ADAMTSL1: variants seen among roughly 807,000 people sequenced by gnomAD.
ADAMTSL1 encodes ADAMTS like 1.
In ADAMTSL1, 126 loss-of-function variants were observed where a neutral mutation model predicts 201.8. That is an observed-to-expected ratio of 0.62 (90% CI 0.54 to 0.72). The LOEUF (loss-of-function observed/expected upper bound fraction) is 0.72, where lower values mean the gene tolerates loss of function less well. Among genes scored for constraint, ADAMTSL1 ranks in the 30% least tolerant of loss-of-function variants. The pLI is 0.00. For synonymous variants in ADAMTSL1, 1,121 were observed against 903.4 expected (o/e 1.24, Z -4.32); for missense variants, 2,679 against 2,277.8 (o/e 1.18, Z -3.59).
intron 2 of ADAMTSL1, among the ~76,000 whole-genome samples, chr9:18,192,026 G>T (rs1045651853): frequency 2.6e-5 from 4 of 152,114 alleles, no homozygotes; most frequent in Non-Finnish European, 5.9e-5. Flanking sequence ...TACGGTGTTT[G>T]ACATTGATGG....
chr9:18,054,430 A>AG (rs1822080158), intron 1 of ADAMTSL1, among the ~76,000 whole-genome samples: 1 of 152,262 alleles, frequency 6.6e-6, no homozygotes, highest in South Asian at 2.1e-4. Flanking sequence ...TGAATCAGAC[A>AG]GTAACAAGTC....
At chr9:18,107,016 T>C (rs1251288965) in intron 1 of ADAMTSL1, among the ~76,000 whole-genome samples, 2 of 152,246 alleles carry the variant, frequency 1.3e-5, no homozygotes, top group African/African-American at 4.8e-5. Context: ...GGCTTTTTTA[T>C]GTAACATCTT....
At chr9:18,586,730 A>G (rs887514614) in intron 4 of ADAMTSL1, among the ~76,000 whole-genome samples, 2 of 152,174 alleles carry the variant, frequency 1.3e-5, no homozygotes, top group East Asian at 1.9e-4. Flanking sequence ...ACAGCATGGT[A>G]CTGGTTCAAG....
chr9:18,893,009 T>G (rs934544412), intron 26 of ADAMTSL1, among the ~76,000 whole-genome samples: 2 of 151,586 alleles, frequency 1.3e-5, no homozygotes, highest in African/African-American at 4.9e-5. Context: ...TTCCATCTCG[T>G]AAGCCATTTG....
chr9:18,100,801 G>T (rs1824480657), intron 1 of ADAMTSL1, among the ~76,000 whole-genome samples: 1 of 152,060 alleles, frequency 6.6e-6, no homozygotes, highest in Admixed American at 6.6e-5. Context: ...TATTGGATTG[G>T]CTAAACATTT....
Position 18,602,620 on chromosome 9 carries a change from C to T in ADAMTSL1, c.475-19623C>T, listed in dbSNP as rs147636586. On this transcript the variant is annotated intron_variant, in intron 4 of 28. Coordinates refer to ENST00000380548, the MANE Select transcript of ADAMTSL1 (RefSeq NM_001040272.6). ...CTCACATCTCACCTCCTCCATCAAC[C>T]CTTCCCAGGTTGTTGAGAAATCAGC... 2.0e-5 allele frequency among the ~76,000 whole-genome samples: 3 copies of T among 152,320 alleles called. No individual in the cohort carries two copies. The South Asian group carries it at 6.2e-4, about 32-fold the overall frequency.
chr9:18,534,616 C>T (rs913859407), intron 3 of ADAMTSL1, among the ~76,000 whole-genome samples: 3 of 152,202 alleles, frequency 2.0e-5, no homozygotes, highest in African/African-American at 4.8e-5. Flanking sequence ...ATTTCTCTTC[C>T]GCATTGCCCA....
At chr9:18,789,994 C>T (rs1821928999) in intron 19 of ADAMTSL1, among the ~76,000 whole-genome samples, 1 of 152,200 alleles carries the variant, frequency 6.6e-6, no homozygotes, top group Non-Finnish European at 1.5e-5. Flanking sequence ...GGCACAATAA[C>T]ATATCCCAGG....
chr9:18,419,281 G>A lies in ADAMTSL1; in HGVS notation c.208-85548G>A, dbSNP rs977294812. Among the ~76,000 whole-genome samples the A allele has an allele frequency of 2.6e-5, 4 of 152,074 alleles. No homozygotes were observed. In the South Asian group the frequency reaches 6.2e-4, roughly 24 times the overall value. On this transcript the variant is annotated intron_variant, in intron 2 of 29. Coordinates refer to the ADAMTSL1 transcript ENST00000680146. ...CTAGGAGAAAAATCTTTGTGACCTA[G>A]GATTAGGCAAAGAGTTCTTAGACAT...
At chr9:18,416,404 A>G (rs1818678465) in intron 2 of ADAMTSL1, among the ~76,000 whole-genome samples, 1 of 152,006 alleles carries the variant, frequency 6.6e-6, no homozygotes, top group Non-Finnish European at 1.5e-5. Context: ...CTTGATCAAA[A>G]TGAGGGCAAA....
Position 18,658,680 on chromosome 9 carries a change from G to A in ADAMTSL1, c.946+930G>A, listed in dbSNP as rs192739654. On this transcript the variant is annotated intron_variant, in intron 8 of 28. Coordinates refer to ENST00000380548, the MANE Select transcript of ADAMTSL1 (RefSeq NM_001040272.6). ...TTGTGTTACTAGAAAAGGCTTTTGT[G>A]TTACTACAAAAGGTTATTTTTCCTC... Among the ~76,000 whole-genome samples the A allele has an allele frequency of 1.6e-3, 238 of 152,222 alleles. 2 individuals carry two copies. Among genetic ancestry groups the A allele is most frequent in the Admixed American group, 6.2e-3 (95 of 15,300 alleles).
intron 1 of ADAMTSL1, among the ~76,000 whole-genome samples, chr9:18,085,195 C>T (rs926743731): frequency 6.6e-6 from 1 of 151,984 alleles, no homozygotes; most frequent in African/African-American, 2.4e-5. Context: ...TGTGTTTTTC[C>T]TGTGATTCAA....
intron 2 of ADAMTSL1, among the ~76,000 whole-genome samples, chr9:18,179,268 G>T (rs1828335346): frequency 6.6e-6 from 1 of 152,126 alleles, no homozygotes; most frequent in Non-Finnish European, 1.5e-5. Flanking sequence ...CTGGAAGAAA[G>T]GGTATCAGCG....
At chr9:18,527,352 T>G (rs1231040275) in intron 2 of ADAMTSL1, among the ~76,000 whole-genome samples, 1 of 152,204 alleles carries the variant, frequency 6.6e-6, no homozygotes, top group African/African-American at 2.4e-5. Context: ...AAATGCAGAA[T>G]GACCAGATTT....
chr9:18,816,961 C>A (rs117326633), intron 20 of ADAMTSL1, 148 bp from the exon 21 acceptor site: 3 of 966,314 alleles, frequency 3.1e-6, no homozygotes, highest in East Asian at 2.7e-5. Context: ...TTATACTGTG[C>A]GCTTGCAATT....
In ADAMTSL1 at chr9:18,474,188, G is replaced by A. The variant is rs1821335193; in HGVS notation, c.-45G>A. On this transcript the variant is annotated 5_prime_UTR_variant, in exon 1 of 29. Coordinates refer to ENST00000380548, the MANE Select transcript of ADAMTSL1 (RefSeq NM_001040272.6). ...GTGACAGCAGGCAGAGGAGCACTTAGCAGCTTATTCAGTGTCCGATTCTGA... is the reference window on the plus strand; with the variant it reads ...GTGACAGCAGGCAGAGGAGCACTTAACAGCTTATTCAGTGTCCGATTCTGA... The A allele has an allele frequency of 6.3e-7, 1 of 1,597,916 alleles. No individual in the cohort carries two copies. Among genetic ancestry groups the A allele is most frequent in the Non-Finnish European group, 8.6e-7 (1 of 1,165,932 alleles).
intron 2 of ADAMTSL1, among the ~76,000 whole-genome samples, chr9:18,395,197 A>C (rs1202206129): frequency 2.0e-5 from 3 of 152,216 alleles, no homozygotes; most frequent in Non-Finnish European, 4.4e-5. Context: ...GAAAAGCAAC[A>C]GTAAGATCTG....
At chr9:18,452,038 C>T (rs28408411) in intron 2 of ADAMTSL1, among the ~76,000 whole-genome samples, 3,846 of 152,260 alleles carry the variant, frequency 0.025, 162 homozygotes, top group African/African-American at 0.089. Context: ...CTCAGCCTCC[C>T]GAGTAGCTGG....
chr9:18,733,865 C>T (rs1255682544), intron 15 of ADAMTSL1, among the ~76,000 whole-genome samples: 2 of 151,880 alleles, frequency 1.3e-5, no homozygotes, highest in African/African-American at 4.8e-5. Context: ...ACAGTCTTCT[C>T]ACTTCCTTCA....
Sources: allele counts gnomAD v4.1 joint callset (sites outside exome capture counted in the v4.1 genomes callset), GRCh38; gene constraint gnomAD v4.1.1; transcripts MANE v1.5; gene names NCBI Gene and HGNC (gene_info 2026-07-23, HGNC 2026-07-21).